Variants in CDH12 observed in about 807,000 individuals in gnomAD.
CDH12 encodes cadherin 12.
Under a neutral mutation model 74.1 loss-of-function variants are expected in CDH12, and 41 were observed. The ratio of observed to expected loss-of-function variants is 0.55; its 90% CI spans 0.43 to 0.72. The LOEUF (loss-of-function observed/expected upper bound fraction) is 0.72. CDH12 is among the 30% of genes least tolerant of loss of function. The pLI, the probability that CDH12 is intolerant of heterozygous loss-of-function variation, is 0.00. For missense variants in CDH12, 945 were observed against 977.2 expected (o/e 0.97, Z 0.44); for synonymous variants, 399 against 355.0 (o/e 1.12, Z -1.39).
At chr5:21,905,852 A>C (rs1476431828) in intron 6 of CDH12, among the ~76,000 whole-genome samples, 1 of 152,112 alleles carries the variant, frequency 6.6e-6, no homozygotes, top group African/African-American at 2.4e-5. Flanking sequence ...TTATTTGAAC[A>C]TATGTTTATT....
At chr5:22,460,868 C>T (rs1181817851) in intron 2 of CDH12, among the ~76,000 whole-genome samples, 2 of 149,266 alleles carry the variant, frequency 1.3e-5, no homozygotes, top group South Asian at 2.1e-4. Context: ...TTACAGGCGC[C>T]TGCCACCACA....
intron 8 of CDH12, 56 bp from the exon 9 acceptor site, chr5:21,817,188 G>T: frequency 8.3e-7 from 1 of 1,198,854 alleles, no homozygotes; most frequent in Non-Finnish European, 1.2e-6. Flanking sequence ...GATATAGTAA[G>T]ATTACAAGGC....
intron 3 of CDH12, among the ~76,000 whole-genome samples, chr5:22,347,819 A>G (rs1740182237): frequency 6.6e-6 from 1 of 152,170 alleles, no homozygotes. Context: ...AAACCTTTGA[A>G]ACATCCAGTG....
chr5:22,563,253 C>CT (rs1273894021), intron 1 of CDH12, among the ~76,000 whole-genome samples: 1 of 151,794 alleles, frequency 6.6e-6, no homozygotes, highest in African/African-American at 2.4e-5. Context: ...ATTTATCTGT[C>CT]TTTTTGATAA....
At chr5:22,444,298 T>C (rs1034240424) in intron 2 of CDH12, among the ~76,000 whole-genome samples, 1 of 152,084 alleles carries the variant, frequency 6.6e-6, no homozygotes, top group Non-Finnish European at 1.5e-5. Flanking sequence ...ATCTCCTTTG[T>C]TACTTCCATG....
At chr5:22,545,712 T>C (rs1003395966) in intron 1 of CDH12, among the ~76,000 whole-genome samples, 1 of 152,216 alleles carries the variant, frequency 6.6e-6, no homozygotes, top group African/African-American at 2.4e-5. Flanking sequence ...AAATGATGTA[T>C]AAAAATAATA....
At chr5:22,586,723 A>G (rs1740421364) in intron 1 of CDH12, among the ~76,000 whole-genome samples, 1 of 151,864 alleles carries the variant, frequency 6.6e-6, no homozygotes. Flanking sequence ...ATGGGGTTAT[A>G]GATTCACTGA....
chr5:22,213,372 CA>C (rs1239421920), intron 3 of CDH12, among the ~76,000 whole-genome samples: 1 of 151,546 alleles, frequency 6.6e-6, no homozygotes, highest in Non-Finnish European at 1.5e-5. Flanking sequence ...ATTACACTTG[CA>C]AAAAATGTTT....
chr5:22,517,075 T>G (rs759272522), intron 1 of CDH12, among the ~76,000 whole-genome samples: 2 of 151,968 alleles, frequency 1.3e-5, no homozygotes, highest in Non-Finnish European at 2.9e-5. Flanking sequence ...TATATATCAG[T>G]AGGAGAATAT....
intron 3 of CDH12, among the ~76,000 whole-genome samples, chr5:22,311,759 G>C (rs545793974): frequency 6.6e-6 from 1 of 151,592 alleles, no homozygotes; most frequent in African/African-American, 2.4e-5. Flanking sequence ...TTGTGGTGTG[G>C]TGGTCTAGGG....
At chr5:21,875,559 C>T (rs1751883002) in intron 6 of CDH12, among the ~76,000 whole-genome samples, 1 of 152,300 alleles carries the variant, frequency 6.6e-6, no homozygotes, top group African/African-American at 2.4e-5. Context: ...TACCATTGCT[C>T]TGTCCAAAAC....
chr5:22,305,165 T>G (rs561441610), intron 3 of CDH12, among the ~76,000 whole-genome samples: 39 of 152,224 alleles, frequency 2.6e-4, no homozygotes, highest in Middle Eastern at 3.4e-3. Flanking sequence ...AAATACAAAT[T>G]TCCTCTAATT....
intron 5 of CDH12, among the ~76,000 whole-genome samples, chr5:22,018,684 G>A (rs1737765510): frequency 6.6e-6 from 1 of 152,188 alleles, no homozygotes; most frequent in South Asian, 2.1e-4. Context: ...CCAACAGATA[G>A]CACTTTCTAG....
rs1386935785 is a variant in CDH12 at position 22,152,532 on chromosome 5, C to T, written c.-187+59966G>A. 5.9e-5 allele frequency among the ~76,000 whole-genome samples: 9 copies of T among 152,184 alleles called. No individual in the cohort carries two copies. The East Asian group carries it at 7.8e-4, about 13-fold the overall frequency. ...CAGATAAAATTTTATGTATTTACCA[C>T]GTACAACATGAAATTTTGAAACATG... On this transcript the variant is annotated intron_variant, in intron 4 of 14. Coordinates refer to ENST00000382254, the MANE Select transcript of CDH12 (RefSeq NM_004061.5).
At chr5:21,866,131 T>G (rs1751313569) in intron 6 of CDH12, among the ~76,000 whole-genome samples, 1 of 152,202 alleles carries the variant, frequency 6.6e-6, no homozygotes, top group South Asian at 2.1e-4. Flanking sequence ...GCCTCTCCAG[T>G]CATGTGGAAC....
chr5:21,990,858 A>C (rs1171066472), intron 5 of CDH12, among the ~76,000 whole-genome samples: 1 of 152,036 alleles, frequency 6.6e-6, no homozygotes, highest in Non-Finnish European at 1.5e-5. Context: ...CAGGTCATCT[A>C]ACCCCATGTG....
chr5:22,070,636 C>T (rs1741875356), intron 5 of CDH12, among the ~76,000 whole-genome samples: 1 of 152,140 alleles, frequency 6.6e-6, no homozygotes, highest in Non-Finnish European at 1.5e-5. Flanking sequence ...GGCCCCACTG[C>T]AGATTTTGAA....
intron 1 of CDH12, among the ~76,000 whole-genome samples, chr5:22,589,002 A>G (rs1035192494): frequency 1.1e-4 from 17 of 151,956 alleles, no homozygotes; most frequent in Non-Finnish European, 1.9e-4. Context: ...ATTTGATTAT[A>G]TTTTTCATAC....
At chr5:22,707,009 C>G (rs181598895) in intron 1 of CDH12, among the ~76,000 whole-genome samples, 9 of 152,144 alleles carry the variant, frequency 5.9e-5, no homozygotes, top group African/African-American at 2.2e-4. Flanking sequence ...ACAGTCTTTT[C>G]TGCTGCTATC....
Sources: gnomAD v4.1 joint callset for allele counts (sites outside exome capture counted in the v4.1 genomes callset) on GRCh38, gnomAD v4.1.1 for gene constraint, MANE v1.5 for transcripts, NCBI Gene and HGNC (gene_info 2026-07-23, HGNC 2026-07-21) for gene names.